CEP57: variants seen among roughly 807,000 people sequenced by gnomAD.
CEP57 encodes centrosomal protein 57, also known as centrosomal protein of 57 kDa.
In CEP57, 40 loss-of-function variants were observed where a neutral mutation model predicts 68.0. The observed-to-expected ratio is 0.59, with a 90% CI of 0.46 to 0.77. The LOEUF (loss-of-function observed/expected upper bound fraction) is 0.77. CEP57 is among the 30% of genes least tolerant of loss of function. CEP57 has a pLI of 0.00. For synonymous variants in CEP57, 219 were observed against 198.7 expected (o/e 1.10, Z -0.86); for missense variants, 606 against 580.7 (o/e 1.04, Z -0.45).
At chr11:95,829,740 C>T (rs1286427218) in intron 10 of CEP57, among the ~76,000 whole-genome samples, 1 of 151,978 alleles carries the variant, frequency 6.6e-6, no homozygotes, top group Non-Finnish European at 1.5e-5. Context: ...GTAGTACTAC[C>T]AGATGCAGTG....
intron 2 of CEP57, among the ~76,000 whole-genome samples, chr11:95,810,001 C>A (rs1046949032): frequency 6.6e-6 from 1 of 152,130 alleles, no homozygotes; most frequent in Non-Finnish European, 1.5e-5. Context: ...GCTTATCCAC[C>A]AAGATCAAGT....
intron 10 of CEP57, among the ~76,000 whole-genome samples, chr11:95,830,523 T>G (rs1862956255): frequency 6.6e-6 from 1 of 152,162 alleles, no homozygotes; most frequent in East Asian, 1.9e-4. Flanking sequence ...AAAATAAAAT[T>G]CTTTTCATAG....
chr11:95,820,533 C>A (rs1565328361), intron 6 of CEP57, among the ~76,000 whole-genome samples: 1 of 139,014 alleles, frequency 7.2e-6, no homozygotes, highest in African/African-American at 2.7e-5. Flanking sequence ...GGAAGTTGCA[C>A]TGAGTTGAGA....
rs111888918 is a variant in CEP57 at position 95,794,569 on chromosome 11, A to AGT, written c.45+3841_45+3842dup. Among the ~76,000 whole-genome samples the AGT allele has an allele frequency of 5.6e-3, 834 of 150,056 alleles. 3 individuals carry two copies. The highest frequency in any genetic ancestry group is 0.01 in the Middle Eastern group (3 of 294). Reference sequence around the variant, plus strand: ...ACCCTGTTTTTTTCAAACCTTTACTAGTGTGTGTGTGTGTGTTCTTCTGTG... The same window carrying AGT: ...ACCCTGTTTTTTTCAAACCTTTACTAGTGTGTGTGTGTGTGTGTTCTTCTGTG... On this transcript the variant is annotated intron_variant, in intron 1 of 10. Coordinates refer to ENST00000325542, the MANE Select transcript of CEP57 (RefSeq NM_014679.5).
chr11:95,818,027 A>C (rs1590947358), intron 5 of CEP57, 124 bp downstream of exon 5: 6 of 689,038 alleles, frequency 8.7e-6, no homozygotes, highest in Non-Finnish European at 1.6e-5. Context: ...AATATATTGG[A>C]GTTTTAAAAA....
At chr11:95,801,015 T>C (rs1270375381) in intron 2 of CEP57, among the ~76,000 whole-genome samples, 27 of 152,200 alleles carry the variant, frequency 1.8e-4, no homozygotes, top group Admixed American at 1.7e-3. Flanking sequence ...AAAAGAAATA[T>C]TTTTGACATC....
Position 95,831,175 on chromosome 11 carries a change from G to A in CEP57, c.1422G>A (p.Arg474=), listed in dbSNP as rs766375724. The A allele has an allele frequency of 2.5e-6, 4 of 1,613,426 alleles. No homozygotes were observed. In the Admixed American group the frequency reaches 5.0e-5, roughly 20 times the overall value. The change falls in exon 11 of 11, where the codon AGG becomes AGA. Residue 474 remains arginine, a synonymous_variant. Transcript: ENST00000325542. The part of the protein sequence containing the change: ...DFMKLRPGEK[R]RKNLQLLKDM... ...TGAAACTGAGACCTGGAGAAAAAAGGAGAAAAAATCTTCAGTTATTGAAGG... is the reference window on the plus strand; with the variant it reads ...TGAAACTGAGACCTGGAGAAAAAAGAAGAAAAAATCTTCAGTTATTGAAGG...
In CEP57 at chr11:95,817,893, C is replaced by T. The variant is rs1469331147; in HGVS notation, c.611C>T (p.Ala204Val). The change falls in exon 5 of 11, where the codon GCC (alanine) becomes GTC (valine). Residue 204 changes from alanine to valine, a missense_variant. Physicochemically the swap from Ala to Val is moderately conservative, Grantham distance 64 (BLOSUM62 0). Coordinates refer to ENST00000325542, the MANE Select transcript of CEP57 (RefSeq NM_014679.5). ...QEYNKLTTMQALAEKKMQELE... is the reference protein window; with the variant it reads ...QEYNKLTTMQVLAEKKMQELE... The stretch of plus-strand genomic sequence containing the variant: ...TATAACAAACTTACCACAATGCAGG[C>T]CCTTGCAGAAGTCAGTGCATGTGTC... 6.8e-6 allele frequency: 11 copies of T among 1,606,166 alleles called. No individual in the cohort carries two copies. Among genetic ancestry groups the T allele is most frequent in the African/African-American group, 1.3e-5 (1 of 74,750 alleles).
At chr11:95,813,308 A>C (rs1175091639) in intron 3 of CEP57, among the ~76,000 whole-genome samples, 160 bp from the exon 4 acceptor site, 1 of 152,220 alleles carries the variant, frequency 6.6e-6, no homozygotes, top group Non-Finnish European at 1.5e-5. Flanking sequence ...GGCCAGTTTG[A>C]CTAGCACGTA....
chr11:95,824,115 G>C (rs1321248676), intron 8 of CEP57, among the ~76,000 whole-genome samples: 1 of 150,470 alleles, frequency 6.6e-6, no homozygotes, highest in Middle Eastern at 3.4e-3. Context: ...GCATGTTGGC[G>C]TGCACCTGTG....
intron 8 of CEP57, 167 bp from the exon 9 acceptor site, chr11:95,827,619 T>A: frequency 1.3e-6 from 1 of 765,696 alleles, no homozygotes; most frequent in Admixed American, 2.6e-5. Context: ...GTTAGTGGAT[T>A]TATATCAAAG....
intron 2 of CEP57, among the ~76,000 whole-genome samples, chr11:95,799,731 A>C (rs1185046035): frequency 1.3e-5 from 2 of 152,106 alleles, no homozygotes; most frequent in Admixed American, 6.5e-5. Flanking sequence ...TCAGGCTTTC[A>C]TCATCTGTAG....
chr11:95,798,773 TGA>T (rs1357157017), intron 1 of CEP57, among the ~76,000 whole-genome samples: 1 of 152,234 alleles, frequency 6.6e-6, no homozygotes, highest in East Asian at 1.9e-4. Context: ...GTAAAGTATT[TGA>T]GGCAAGGACA....
At chr11:95,812,899 T>TAG (rs953434975) in intron 2 of CEP57, 33 bp from the exon 3 acceptor site, 1 of 1,595,600 alleles carries the variant, frequency 6.3e-7, no homozygotes. Context: ...CATATGCTGT[T>TAG]ACAGCATCCA....
At chr11:95,818,979 A>G in intron 6 of CEP57, 75 bp downstream of exon 6, 1 of 1,110,322 alleles carries the variant, frequency 9.0e-7, no homozygotes, top group Non-Finnish European at 1.4e-6. Context: ...AATTACATTT[A>G]GGTATCTTAC....
rs1591036151 is a variant in CEP57 at position 95,790,628 on chromosome 11, C to T, written c.-71C>T. ...AGGGTCCCCGCTGGTGGGCGGCTCCCGAGTCTTGGAGAAGAGCACGAGAAC... is the reference window on the plus strand; with the variant it reads ...AGGGTCCCCGCTGGTGGGCGGCTCCTGAGTCTTGGAGAAGAGCACGAGAAC... On this transcript the variant is annotated 5_prime_UTR_variant, in exon 1 of 11. Transcript: ENST00000325542. The T allele has an allele frequency of 9.5e-6, 15 of 1,573,418 alleles. No homozygotes were observed. In the East Asian group the frequency reaches 3.2e-4, roughly 34 times the overall value.
intron 6 of CEP57, among the ~76,000 whole-genome samples, chr11:95,819,175 TAA>T (rs1862423855): frequency 6.6e-6 from 1 of 152,326 alleles, no homozygotes; most frequent in Non-Finnish European, 1.5e-5. Flanking sequence ...ACTACACACA[TAA>T]GAAGGTATGT....
chr11:95,821,734 C>A, intron 6 of CEP57, 137 bp from the exon 7 acceptor site: 2 of 658,248 alleles, frequency 3.0e-6, no homozygotes, highest in Non-Finnish European at 5.5e-6. Context: ...TGGTTCAAGA[C>A]ATAGTTATAC....
intron 2 of CEP57, among the ~76,000 whole-genome samples, chr11:95,808,380 A>G (rs2135297752): frequency 6.6e-6 from 1 of 152,320 alleles, no homozygotes; most frequent in South Asian, 2.1e-4. Flanking sequence ...TTAACCTTAA[A>G]TGTAAACAGG....
Sources: allele counts gnomAD v4.1 joint callset (sites outside exome capture counted in the v4.1 genomes callset), GRCh38; gene constraint gnomAD v4.1.1; transcripts MANE v1.5; gene names NCBI Gene and HGNC (gene_info 2026-07-23, HGNC 2026-07-21).